The following DOCK9 variants were observed in gnomAD, a reference collection of about 807,000 sequenced individuals.
DOCK9 encodes the protein dedicator of cytokinesis protein 9.
Under a neutral mutation model 263.3 loss-of-function variants are expected in DOCK9, and 89 were observed. That is an observed-to-expected ratio of 0.34 (90% CI 0.28 to 0.40). The LOEUF is 0.40. Ranked by LOEUF, DOCK9 falls within the 10% of genes least tolerant of loss-of-function variation. The pLI, the probability that DOCK9 is intolerant of heterozygous loss-of-function variation, is 1.00. For synonymous variants in DOCK9, 976 were observed against 973.1 expected (o/e 1.00, Z -0.06); for missense variants, 2,140 against 2,603.4 (o/e 0.82, Z 3.87).
intron 27 of DOCK9, among the ~76,000 whole-genome samples, chr13:98,874,311 G>A (rs1342339601): frequency 6.6e-6 from 1 of 152,198 alleles, no homozygotes; most frequent in African/African-American, 2.4e-5. Context: ...GCTGTTGCAT[G>A]ACTCACTACT....
chr13:98,919,942 C>T (rs2051620203), intron 7 of DOCK9, among the ~76,000 whole-genome samples: 1 of 152,234 alleles, frequency 6.6e-6, no homozygotes, highest in Admixed American at 6.5e-5. Flanking sequence ...TAAATTTATG[C>T]TATCCCATGT....
intron 39 of DOCK9, 194 bp from the exon 40 acceptor site, chr13:98,831,980 T>C: frequency 1.5e-6 from 1 of 653,206 alleles, no homozygotes; most frequent in Non-Finnish European, 2.5e-6. Flanking sequence ...ATTTATGTTT[T>C]GGGGATGAAC....
Position 98,932,431 on chromosome 13 carries a change from C to CA in DOCK9, c.244-2175dup, listed in dbSNP as rs988414855. ...ACAAACAAACAAACAAACAAACAAA[C>CA]AAAAAAACAGATCATAGTCATTAAA... On this transcript the variant is annotated intron_variant, in intron 2 of 52. Transcript: ENST00000682017. Among the ~76,000 whole-genome samples the CA allele has an allele frequency of 3.0e-5, 4 of 133,978 alleles. No individual in the cohort carries two copies. The Admixed American group carries it at 3.0e-4, about 10-fold the overall frequency. The allele number at this position is 133,978 out of a possible 152,430, so 87.9% of individuals were successfully genotyped here.
chr13:98,805,933 T>G (rs1466750694), intron 48 of DOCK9, among the ~76,000 whole-genome samples: 1 of 152,146 alleles, frequency 6.6e-6, no homozygotes, highest in Non-Finnish European at 1.5e-5. Context: ...GCTAATTATA[T>G]ATTTTTAGCA....
At chr13:98,948,513 C>T (rs568819099) in intron 2 of DOCK9, among the ~76,000 whole-genome samples, 4 of 152,262 alleles carry the variant, frequency 2.6e-5, no homozygotes, top group Admixed American at 6.5e-5. Flanking sequence ...AATCCTATAA[C>T]GAAATCCTAT....
chr13:99,059,272 C>T (rs1227748927), intron 1 of DOCK9, among the ~76,000 whole-genome samples: 1 of 152,214 alleles, frequency 6.6e-6, no homozygotes, highest in Non-Finnish European at 1.5e-5. Flanking sequence ...CTACTCAACA[C>T]CTCAATGGGC....
Position 98,860,148 on chromosome 13 carries a change from G to A in DOCK9, c.3697+257C>T, listed in dbSNP as rs1490377985. 4.5e-5 allele frequency: 59 copies of A among 1,299,022 alleles called. No homozygotes were observed. The South Asian group carries it at 6.4e-4, about 14-fold the overall frequency. The allele number at this position is 1,299,022 out of a possible 1,614,324, so 80.5% of individuals were successfully genotyped here. A position where few individuals can be genotyped will look rare whatever the true frequency, so the allele number is the denominator to read the frequency against. ...GATTTAAAATGAAAACTCAACAAAC[G>A]TTGAACAAAAAGCAAACAGCGTGAG... On this transcript the variant is annotated intron_variant, in intron 33 of 52. Transcript: ENST00000682017.
At chr13:98,867,675 A>G in intron 29 of DOCK9, 139 bp from the exon 30 acceptor site, 1 of 681,736 alleles carries the variant, frequency 1.5e-6, no homozygotes, top group South Asian at 1.9e-5. Context: ...ATTGCACTGT[A>G]CAGATTTCAG....
chr13:98,837,678 C>T, intron 38 of DOCK9, 69 bp from the exon 39 acceptor site: 1 of 1,043,042 alleles, frequency 9.6e-7, no homozygotes. Context: ...ATGCGGTAGG[C>T]ACAGTCAACT....
chr13:98,821,031 G>A (rs1167920162), intron 45 of DOCK9, among the ~76,000 whole-genome samples: 1 of 152,204 alleles, frequency 6.6e-6, no homozygotes, highest in Non-Finnish European at 1.5e-5. Context: ...ATCCCTGAAT[G>A]ACCACAAAAG....
chr13:99,017,470 A>AT (rs147888699), intron 1 of DOCK9, among the ~76,000 whole-genome samples: 1 of 152,358 alleles, frequency 6.6e-6, no homozygotes, highest in East Asian at 1.9e-4. Flanking sequence ...GTTATGACAT[A>AT]TTTTAGACAT....
At chr13:98,842,213 C>T (rs2093246916) in intron 38 of DOCK9, among the ~76,000 whole-genome samples, 1 of 152,210 alleles carries the variant, frequency 6.6e-6, no homozygotes, top group Non-Finnish European at 1.5e-5. Flanking sequence ...TCCAACTCCT[C>T]ATGGCATGCT....
intron 3 of DOCK9, among the ~76,000 whole-genome samples, chr13:98,928,382 G>A (rs1252409472): frequency 6.6e-6 from 1 of 152,148 alleles, no homozygotes; most frequent in Non-Finnish European, 1.5e-5. Flanking sequence ...CTGGATCAGA[G>A]GATGAAGAGG....
At chr13:98,866,775 T>C (rs1332513252) in intron 30 of DOCK9, among the ~76,000 whole-genome samples, 1 of 152,206 alleles carries the variant, frequency 6.6e-6, no homozygotes, top group Non-Finnish European at 1.5e-5. Flanking sequence ...AATAGTAGAA[T>C]AATGAATTTT....
At chr13:98,987,145 T>C (rs1431188024) in intron 1 of DOCK9, among the ~76,000 whole-genome samples, 1 of 152,132 alleles carries the variant, frequency 6.6e-6, no homozygotes, top group Non-Finnish European at 1.5e-5. Flanking sequence ...TGCTTAAAGA[T>C]TTGATTTTAA....
At chr13:98,863,205 C>T in intron 31 of DOCK9, 73 bp from the exon 32 acceptor site, 1 of 1,500,322 alleles carries the variant, frequency 6.7e-7, no homozygotes, top group South Asian at 1.2e-5. Context: ...CTGACCATCT[C>T]CTTTATTTGG....
chr13:98,955,840 C>T (rs2057993429), intron 1 of DOCK9, among the ~76,000 whole-genome samples: 1 of 152,196 alleles, frequency 6.6e-6, no homozygotes, highest in South Asian at 2.1e-4. Flanking sequence ...AGCTATGTCC[C>T]CTTCCAAGCT....
chr13:98,828,514 A>C (rs1163238273), intron 43 of DOCK9, among the ~76,000 whole-genome samples: 1 of 152,238 alleles, frequency 6.6e-6, no homozygotes, highest in Non-Finnish European at 1.5e-5. Context: ...CTCCTTGAAA[A>C]ATAAATATGT....
At chr13:99,008,379 G>T (rs545752700) in intron 1 of DOCK9, among the ~76,000 whole-genome samples, 10 of 151,780 alleles carry the variant, frequency 6.6e-5, no homozygotes, top group East Asian at 5.8e-4. Context: ...GATTATAGGT[G>T]CCTGCCACCA....
Sources: allele counts gnomAD v4.1 joint callset (sites outside exome capture counted in the v4.1 genomes callset), GRCh38; gene constraint gnomAD v4.1.1; transcripts MANE v1.5; gene names NCBI Gene and HGNC (gene_info 2026-07-23, HGNC 2026-07-21).